Variants in SYNPR observed in about 807,000 individuals in gnomAD.
SYNPR encodes synaptoporin.
A neutral mutation model predicts 32.9 loss-of-function variants in SYNPR; 23 were observed. The observed-to-expected ratio is 0.70, with a 90% confidence interval of 0.50 to 0.99. SYNPR has a LOEUF of 0.99. SYNPR is among the 50% of genes least tolerant of loss of function. The pLI is 0.00. For missense variants in SYNPR, 318 were observed against 349.3 expected (o/e 0.91, Z 0.71); for synonymous variants, 146 against 135.9 (o/e 1.07, Z -0.52).
intron 1 of SYNPR, among the ~76,000 whole-genome samples, chr3:63,249,130 C>T (rs914569704): frequency 1.3e-5 from 2 of 152,026 alleles, no homozygotes; most frequent in Non-Finnish European, 2.9e-5. Flanking sequence ...AAACATTTTG[C>T]ACATCAGTAA....
intron 2 of SYNPR, among the ~76,000 whole-genome samples, chr3:63,314,469 G>C (rs978877948): frequency 3.3e-5 from 5 of 151,936 alleles, no homozygotes; most frequent in African/African-American, 1.2e-4. Flanking sequence ...CTGATCATTA[G>C]TGATATTTAG....
intron 4 of SYNPR, among the ~76,000 whole-genome samples, chr3:63,606,565 G>A (rs1156481506): frequency 6.6e-6 from 1 of 151,320 alleles, no homozygotes; most frequent in Non-Finnish European, 1.5e-5. Context: ...CAGGTTGATA[G>A]GACTACAGTC....
At chr3:63,494,498 CATATATACATATATACATATATACAT>C (rs1701332894) in intron 3 of SYNPR, among the ~76,000 whole-genome samples, 1 of 107,180 alleles carries the variant, frequency 9.3e-6, no homozygotes, top group Non-Finnish European at 1.9e-5. Context: ...CATATATATA[CATATATACATATATACATATATACAT>C]ATATATATAT....
In SYNPR at chr3:63,332,957, T is replaced by C. The variant is rs1575600851; in HGVS notation, c.84+54215T>C. 2.0e-5 allele frequency among the ~76,000 whole-genome samples: 3 copies of C among 151,902 alleles called. No homozygotes were observed. The South Asian group carries it at 6.2e-4, about 32-fold the overall frequency. On this transcript the variant is annotated intron_variant, in intron 2 of 5. Transcript: ENST00000478300. ...TCTGCTCATAGATATCAGTAATACATCCCCCTGCCCCATCTCCGCCACCAG... is the reference window on the plus strand; with the variant it reads ...TCTGCTCATAGATATCAGTAATACACCCCCCTGCCCCATCTCCGCCACCAG...
intron 5 of SYNPR, among the ~76,000 whole-genome samples, chr3:63,612,806 G>A (rs961480218): frequency 6.6e-6 from 1 of 152,016 alleles, no homozygotes; most frequent in Non-Finnish European, 1.5e-5. Context: ...TCAATAGATA[G>A]GAAATAGCTA....
At chr3:63,371,701 A>C (rs1481450761) in intron 2 of SYNPR, among the ~76,000 whole-genome samples, 1 of 152,238 alleles carries the variant, frequency 6.6e-6, no homozygotes, top group Non-Finnish European at 1.5e-5. Context: ...TTTCCACCTG[A>C]GTCCTCGTTC....
chr3:63,240,822 T>C (rs571957888), intron 1 of SYNPR, among the ~76,000 whole-genome samples: 4 of 152,212 alleles, frequency 2.6e-5, no homozygotes, highest in African/African-American at 9.6e-5. Context: ...CTCCAGTCTA[T>C]ACAAGGAGGA....
intron 2 of SYNPR, among the ~76,000 whole-genome samples, chr3:63,350,442 A>G (rs1286101658): frequency 6.6e-6 from 1 of 152,172 alleles, no homozygotes; most frequent in African/African-American, 2.4e-5. Context: ...TGCAAGTGGG[A>G]CTTCAGACTA....
rs145190896 is a variant in SYNPR at position 63,460,276 on chromosome 3, C to A, written c.85-20556C>A. 4.1e-3 allele frequency among the ~76,000 whole-genome samples: 629 copies of A among 152,194 alleles called. 4 individuals carry two copies. The highest frequency in any genetic ancestry group is 0.014 in the African/African-American group (588 of 41,528). On this transcript the variant is annotated intron_variant, in intron 2 of 5. Coordinates refer to ENST00000478300, the MANE Select transcript of SYNPR (RefSeq NM_001130003.2). ...ATGCCCCTTACATCACTGCTTTATG[C>A]AGCCCAGTTCCTCAAATACACCAGG...
intron 2 of SYNPR, among the ~76,000 whole-genome samples, chr3:63,466,142 A>G (rs1333101530): frequency 6.6e-6 from 1 of 152,046 alleles, no homozygotes. Context: ...TCCTACTTAT[A>G]AGTAAGAACA....
At chr3:63,262,911 T>C (rs911617536) in intron 2 of SYNPR, among the ~76,000 whole-genome samples, 1 of 152,218 alleles carries the variant, frequency 6.6e-6, no homozygotes, top group African/African-American at 2.4e-5. Flanking sequence ...CCTTCTCTTT[T>C]CTCTGGGTCT....
chr3:63,403,965 T>C (rs1420622047), intron 2 of SYNPR, among the ~76,000 whole-genome samples: 1 of 152,212 alleles, frequency 6.6e-6, no homozygotes, highest in African/African-American at 2.4e-5. Context: ...TAATTTCATA[T>C]GACTGGGTTC....
At chr3:63,512,659 A>G (rs1420354732) in intron 3 of SYNPR, among the ~76,000 whole-genome samples, 1 of 152,120 alleles carries the variant, frequency 6.6e-6, no homozygotes, top group Admixed American at 6.6e-5. Context: ...AGCTGGAGGA[A>G]GGGGCCAGAG....
At position 63,480,851 on chromosome 3, in the gene SYNPR, T is replaced by C; in HGVS notation, c.104T>C (p.Phe35Ser). The change falls in exon 3 of 6, where the codon TTT becomes TCT. Residue 35 changes from phenylalanine to serine, a missense_variant. Phe to Ser is a radical substitution (Grantham distance 155). Transcript: ENST00000478300. ...CCACAGCTTTTTGCAATCTTTGCAT[T>C]TGCAACATGCGGTGGCTATTCTGGA... ...ALELLFAIFAFATCGGYSGGL... is the reference protein window; with the variant it reads ...ALELLFAIFASATCGGYSGGL... 6.2e-7 allele frequency: 1 copy of C among 1,613,466 alleles called. No homozygotes were observed. The highest frequency in any genetic ancestry group is 8.5e-7 in the Non-Finnish European group (1 of 1,179,530).
rs779090039 is a variant in SYNPR, at chr3:63,615,333, A to G, written c.710A>G (p.Lys237Arg). The G allele has an allele frequency of 2.5e-6, 4 of 1,613,960 alleles. No homozygotes were observed. The Admixed American group carries it at 5.0e-5, about 20-fold the overall frequency. Residue 237 changes from lysine to arginine, a missense_variant, in exon 6 of 6, where the codon AAG becomes AGG. Transcript: ENST00000478300. ...AGATATCTTTCAGATCCAATGGAGA[A>G]GCACTCCAGCAGCTATAATCAAGGT... ...GQRYLSDPME[K>R]HSSSYNQGGY...
At chr3:63,369,620 G>A (rs759608954) in intron 2 of SYNPR, among the ~76,000 whole-genome samples, 4 of 152,144 alleles carry the variant, frequency 2.6e-5, no homozygotes, top group South Asian at 4.1e-4. Flanking sequence ...TTCAAGCTTC[G>A]TAAGATGGAA....
At chr3:63,531,076 A>G (rs1207495982) in intron 3 of SYNPR, among the ~76,000 whole-genome samples, 3 of 152,184 alleles carry the variant, frequency 2.0e-5, no homozygotes, top group Non-Finnish European at 4.4e-5. Context: ...AAAGCCCTAC[A>G]GAGCCCAAAG....
chr3:63,588,227 A>G (rs764784277), intron 4 of SYNPR, among the ~76,000 whole-genome samples: 3 of 152,096 alleles, frequency 2.0e-5, no homozygotes, highest in Non-Finnish European at 4.4e-5. Flanking sequence ...TTGTATAGAT[A>G]CAAAAGAACA....
chr3:63,475,158 C>G (rs1700877284), intron 2 of SYNPR, among the ~76,000 whole-genome samples: 1 of 152,090 alleles, frequency 6.6e-6, no homozygotes, highest in Non-Finnish European at 1.5e-5. Flanking sequence ...TTGTTCTGTT[C>G]CACCTAAATG....
Sources: allele counts gnomAD v4.1 joint callset (sites outside exome capture counted in the v4.1 genomes callset), GRCh38; gene constraint gnomAD v4.1.1; transcripts MANE v1.5; gene names NCBI Gene and HGNC (gene_info 2026-07-23, HGNC 2026-07-21).